The following MED15 variants were observed in gnomAD, a reference collection of about 807,000 sequenced individuals.
MED15 encodes mediator of RNA polymerase II transcription subunit 15.
Under a neutral mutation model 118.7 loss-of-function variants are expected in MED15, and 41 were observed. That is an observed-to-expected ratio of 0.35 (90% CI 0.27 to 0.45). The LOEUF (loss-of-function observed/expected upper bound fraction) is 0.45, where lower values mean the gene tolerates loss of function less well. MED15 is among the 20% of genes least tolerant of loss of function. The probability of loss-of-function intolerance (pLI) is 1.00; values close to 1 mark genes in which losing one functional copy is unlikely to be tolerated. For missense variants in MED15, 740 were observed against 1,025.5 expected, an observed-to-expected ratio of 0.72 and a Z score of 3.80; for synonymous variants, 436 against 413.9, an observed-to-expected ratio of 1.05 and a Z score of -0.65.
At chr22:20,531,804 A>G (rs776069797) in intron 1 of MED15, among the ~76,000 whole-genome samples, 8 of 152,242 alleles carry the variant, frequency 5.3e-5, no homozygotes, top group Non-Finnish European at 7.3e-5. Flanking sequence ...CACAGAAACC[A>G]GAGATTCCTC....
At position 20,564,496 on chromosome 22, in the gene MED15, G is replaced by A; in HGVS notation, c.498G>A (p.Gln166=). The stretch of plus-strand genomic sequence containing the variant: ...TGGCGCTGCAGCAGCAGCAGCAACA[G>A]CAGCAGTTCCAGCAGCAGCAGCAGG... ...QQVALQQQQQ[Q]QQFQQQQQAA... is the part of the protein sequence containing the mutation. The change falls in exon 6 of 18, where the codon CAG becomes CAA. Residue 166 remains glutamine, a synonymous_variant. Coordinates refer to ENST00000263205, the MANE Select transcript of MED15 (RefSeq NM_001003891.3). The A allele has an allele frequency of 1.9e-6, 3 of 1,610,572 alleles. No individual in the cohort carries two copies. The highest frequency in any genetic ancestry group is 2.5e-6 in the Non-Finnish European group (3 of 1,177,462).
rs1384794102 is a variant in MED15, at chr22:20,584,845, C to T, written c.1804-10C>T. 2 of 1,611,120 alleles carry T rather than the reference C, an allele frequency of 1.2e-6. No homozygotes were observed. The highest frequency in any genetic ancestry group is 1.7e-5 in the Admixed American group (1 of 60,010). On this transcript the variant is annotated splice_polypyrimidine_tract_variant and intron_variant, in intron 14 of 17. Coordinates refer to ENST00000263205, the MANE Select transcript of MED15 (RefSeq NM_001003891.3). ...TCCCGGGCTGCTGACCGTGCCCATC[C>T]TGTCTCCAGCCCACTCCCCCACCGC...
intron 2 of MED15, among the ~76,000 whole-genome samples, chr22:20,549,458 T>C (rs116330716): frequency 4.3e-4 from 65 of 151,146 alleles, no homozygotes; most frequent in African/African-American, 1.5e-3. Context: ...TCTGTCCATC[T>C]GGATGGGGGT....
At chr22:20,572,272 G>A (rs79995359) in intron 8 of MED15, among the ~76,000 whole-genome samples, 17,171 of 152,222 alleles carry the variant, frequency 0.11, 1,285 homozygotes, top group Non-Finnish European at 0.15. Flanking sequence ...ACATCAGGAC[G>A]TGGTGACCAC....
intron 1 of MED15, among the ~76,000 whole-genome samples, chr22:20,535,904 G>A (rs2055061803): frequency 8.2e-6 from 1 of 122,452 alleles, no homozygotes; most frequent in African/African-American, 3.1e-5. Context: ...TTGAGATGGA[G>A]TTTCGCTCTG....
intron 14 of MED15, 43 bp downstream of exon 14, chr22:20,584,468 C>G (rs1227389589): frequency 6.3e-7 from 1 of 1,599,510 alleles, no homozygotes; most frequent in Non-Finnish European, 8.6e-7. Flanking sequence ...CAGGGCTCTC[C>G]TAAGAGCTCC....
chr22:20,522,543 G>C (rs766299641), intron 1 of MED15, among the ~76,000 whole-genome samples: 1 of 152,208 alleles, frequency 6.6e-6, no homozygotes, highest in Non-Finnish European at 1.5e-5. Flanking sequence ...ATGTGTGAAT[G>C]CTCGTATTCC....
chr22:20,566,156 C>T (rs1183667410), intron 6 of MED15, among the ~76,000 whole-genome samples: 1 of 151,732 alleles, frequency 6.6e-6, no homozygotes, highest in Non-Finnish European at 1.5e-5. Flanking sequence ...TCTCCTGCCT[C>T]AGCCTCCCAA....
In MED15 at chr22:20,582,600, T is replaced by G. The variant is rs755573983; in HGVS notation, c.1273-11T>G. 6.5e-7 allele frequency: 1 copy of G among 1,543,764 alleles called. No individual in the cohort carries two copies. The highest frequency in any genetic ancestry group is 1.2e-5 in the South Asian group (1 of 84,854). On this transcript the variant is annotated splice_polypyrimidine_tract_variant and intron_variant, in intron 9 of 17. Transcript: ENST00000263205. ...TGTGGCAGCGCGCCGGCTGAGCCCC[T>G]CCACTTCCAGGTCAGCCAGAGCAGC...
At chr22:20,575,330 C>G in intron 9 of MED15, 98 bp downstream of exon 9, 1 of 1,396,988 alleles carries the variant, frequency 7.2e-7, no homozygotes, top group African/African-American at 1.5e-5. Flanking sequence ...CCGGTGACTT[C>G]TTTTATGGTG....
intron 5 of MED15, among the ~76,000 whole-genome samples, chr22:20,562,705 CAAAT>C (rs2056291667): frequency 6.6e-6 from 1 of 152,016 alleles, no homozygotes; most frequent in Admixed American, 6.6e-5. Flanking sequence ...TTATGAATGT[CAAAT>C]AAAGTTAGAA....
At position 20,560,116 on chromosome 22, in the gene MED15, C is replaced by T. The variant is rs1238520412; in HGVS notation, c.452-4334C>T. 2.0e-5 allele frequency among the ~76,000 whole-genome samples: 3 copies of T among 152,082 alleles called. No individual in the cohort carries two copies. The South Asian group carries it at 6.2e-4, about 32-fold the overall frequency. On this transcript the variant is annotated intron_variant, in intron 5 of 17. Coordinates refer to ENST00000263205, the MANE Select transcript of MED15 (RefSeq NM_001003891.3). Reference sequence around the variant, plus strand: ...TACAAATACAGGTCAGTCCCCCCAACAACATAGAATCATCTGGGTCAAGTG... The same window carrying T: ...TACAAATACAGGTCAGTCCCCCCAATAACATAGAATCATCTGGGTCAAGTG...
chr22:20,554,896 AG>A, intron 4 of MED15, 39 bp from the exon 5 acceptor site: 4 of 1,550,526 alleles, frequency 2.6e-6, no homozygotes, highest in Non-Finnish European at 3.5e-6. Context: ...TCAGTCTGGT[AG>A]GCCCTTTCCT....
chr22:20,550,725 C>T (rs1349521657), intron 2 of MED15, among the ~76,000 whole-genome samples: 1 of 152,288 alleles, frequency 6.6e-6, no homozygotes, highest in Non-Finnish European at 1.5e-5. Flanking sequence ...GTAGTGATTT[C>T]CCTGAAACAC....
At chr22:20,513,850 G>A (rs1002027150) in intron 1 of MED15, among the ~76,000 whole-genome samples, 3 of 152,136 alleles carry the variant, frequency 2.0e-5, no homozygotes, top group African/African-American at 7.2e-5. Flanking sequence ...TTGGGAAATT[G>A]TTAGTAGCTT....
chr22:20,568,475 T>G, intron 7 of MED15, 46 bp from the exon 8 acceptor site: 1 of 1,599,674 alleles, frequency 6.3e-7, no homozygotes, highest in Non-Finnish European at 8.5e-7. Context: ...GGCTCTGCTC[T>G]CTGACCCAGG....
rs560014023 is a variant in MED15 at position 20,525,695 on chromosome 22, C to T, written c.69-11422C>T. 6.2e-4 allele frequency among the ~76,000 whole-genome samples: 94 copies of T among 151,352 alleles called. 1 individual carries two copies. The highest frequency in any genetic ancestry group is 2.0e-3 in the African/African-American group (82 of 41,208). On this transcript the variant is annotated intron_variant, in intron 1 of 17. Coordinates refer to ENST00000263205, the MANE Select transcript of MED15 (RefSeq NM_001003891.3). ...GAGATTACAGGCATGCACCACCACG[C>T]CTGGCTAATTTTGTATTTTTAGTAG...
chr22:20,518,804 CT>C (rs1427006539), intron 1 of MED15: 2 of 445,020 alleles, frequency 4.5e-6, no homozygotes, highest in Non-Finnish European at 9.0e-6. Flanking sequence ...TCATTTTGAA[CT>C]TTTTTCCCTC....
At position 20,583,226 on chromosome 22, in the gene MED15, A is replaced by G. The variant is rs56259543; in HGVS notation, c.1651A>G (p.Asn551Asp). 1.2e-6 allele frequency: 2 copies of G among 1,611,822 alleles called. No homozygotes were observed. The highest frequency in any genetic ancestry group is 1.7e-6 in the Non-Finnish European group (2 of 1,178,580). Residue 551 changes from asparagine (N) to aspartate (D), a missense_variant, in exon 12 of 18, where the codon AAC becomes GAC. Coordinates refer to ENST00000263205, the MANE Select transcript of MED15 (RefSeq NM_001003891.3). ...KYIEPLRRMI[N>D]KIDKNEDRKK... ...CATCGAGCCCCTGCGCCGCATGATC[A>G]ACAAGATCGACAAGAACGAAGGTAG... is the stretch of plus-strand genomic sequence containing the variant.
Sources: allele counts gnomAD v4.1 joint callset (sites outside exome capture counted in the v4.1 genomes callset), GRCh38; gene constraint gnomAD v4.1.1; transcripts MANE v1.5; gene names NCBI Gene and HGNC (gene_info 2026-07-23, HGNC 2026-07-21).